TNNI3K: variants seen among roughly 807,000 people sequenced by gnomAD.
TNNI3K encodes the protein serine/threonine-protein kinase TNNI3K.
A neutral mutation model predicts 114.5 loss-of-function variants in TNNI3K; 140 were observed. The observed-to-expected ratio is 1.22, with a 90% confidence interval of 1.07 to 1.41. TNNI3K has a LOEUF of 1.41. TNNI3K is among the 40% of genes most tolerant of loss of function. The probability of loss-of-function intolerance (pLI) is 0.00; values close to 1 mark genes in which losing one functional copy is unlikely to be tolerated. For synonymous variants in TNNI3K, 347 were observed against 347.5 expected, an observed-to-expected ratio of 1.00 and a Z score of 0.02; for missense variants, 1,125 against 1,007.6, an observed-to-expected ratio of 1.12 and a Z score of -1.58.
intron 17 of TNNI3K, among the ~76,000 whole-genome samples, chr1:74,391,193 T>C (rs1377992465): frequency 6.6e-6 from 1 of 152,188 alleles, no homozygotes; most frequent in Admixed American, 6.5e-5. Context: ...ACACTAGAGA[T>C]ACTGCAGTTG....
At chr1:74,455,881 G>A (rs1667204915) in intron 20 of TNNI3K, among the ~76,000 whole-genome samples, 2 of 152,172 alleles carry the variant, frequency 1.3e-5, no homozygotes, top group South Asian at 4.1e-4. Context: ...TCTTCAAGAA[G>A]CACCCTCACA....
intron 5 of TNNI3K, among the ~76,000 whole-genome samples, chr1:74,298,113 G>A (rs1031199662): frequency 6.6e-6 from 1 of 152,092 alleles, no homozygotes; most frequent in African/African-American, 2.4e-5. Context: ...AGGATCCACA[G>A]TTTACTTCCT....
At position 74,331,485 on chromosome 1, in the gene TNNI3K, C is replaced by T; in HGVS notation, c.480C>T (p.Val160=). The stretch of plus-strand genomic sequence containing the variant: ...TGCTGTTGCAACATGGAGCTAATGT[C>T]AATATTCAAGATGCAGTTTTTTTCA... ...ADVLLQHGAN[V]NIQDAVFFTP... is the part of the protein sequence containing the mutation. Residue 160 remains valine (V), a synonymous_variant, in exon 6 of 25, where the codon GTC becomes GTT. Coordinates refer to ENST00000326637, the MANE Select transcript of TNNI3K (RefSeq NM_015978.3). 6.2e-7 allele frequency: 1 copy of T among 1,613,724 alleles called. No homozygotes were observed. The highest frequency in any genetic ancestry group is 8.5e-7 in the Non-Finnish European group (1 of 1,179,870).
chr1:74,515,923 T>C (rs1416265351), intron 23 of TNNI3K, among the ~76,000 whole-genome samples: 1 of 152,208 alleles, frequency 6.6e-6, no homozygotes, highest in Non-Finnish European at 1.5e-5. Context: ...ACCTCCTGGC[T>C]GCCTTCAAGG....
intron 23 of TNNI3K, among the ~76,000 whole-genome samples, chr1:74,502,248 G>T (rs1279264101): frequency 4.6e-5 from 7 of 152,216 alleles, no homozygotes; most frequent in African/African-American, 1.7e-4. Flanking sequence ...CTCTCCTTTT[G>T]CTGCTGTTTC....
chr1:74,425,321 T>G (rs918720787), intron 17 of TNNI3K, among the ~76,000 whole-genome samples: 2 of 152,024 alleles, frequency 1.3e-5, no homozygotes, highest in Non-Finnish European at 2.9e-5. Flanking sequence ...ATTTATTGAG[T>G]AAATGTTGAA....
intron 19 of TNNI3K, among the ~76,000 whole-genome samples, chr1:74,438,070 C>T (rs1205328206): frequency 6.6e-6 from 1 of 150,700 alleles, no homozygotes; most frequent in Admixed American, 6.6e-5. Flanking sequence ...TAAATTAGTG[C>T]TGTGCTTAAA....
chr1:74,389,227 G>A (rs1663639259), intron 17 of TNNI3K, among the ~76,000 whole-genome samples: 1 of 152,156 alleles, frequency 6.6e-6, no homozygotes, highest in Admixed American at 6.5e-5. Flanking sequence ...GGAATCTAAA[G>A]ATTACAGATT....
intron 21 of TNNI3K, among the ~76,000 whole-genome samples, chr1:74,466,610 T>A (rs1667692865): frequency 6.6e-6 from 1 of 152,170 alleles, no homozygotes; most frequent in African/African-American, 2.4e-5. Context: ...GAAAGCAAAG[T>A]CTTCAGCTGG....
At chr1:74,503,829 T>A (rs1183499238) in intron 23 of TNNI3K, among the ~76,000 whole-genome samples, 1 of 152,172 alleles carries the variant, frequency 6.6e-6, no homozygotes, top group Non-Finnish European at 1.5e-5. Context: ...AATCTCCTAA[T>A]GTTGTGGTGG....
At chr1:74,458,003 A>G (rs774973755) in intron 20 of TNNI3K, among the ~76,000 whole-genome samples, 1 of 152,164 alleles carries the variant, frequency 6.6e-6, no homozygotes, top group Non-Finnish European at 1.5e-5. Flanking sequence ...GAAAACATAC[A>G]ATTATGTTTT....
At chr1:74,247,603 G>T (rs184656693) in intron 2 of TNNI3K, among the ~76,000 whole-genome samples, 1 of 152,226 alleles carries the variant, frequency 6.6e-6, no homozygotes, top group East Asian at 1.9e-4. Flanking sequence ...GTACTGATTG[G>T]TGCATTTACA....
At chr1:74,353,194 T>G in intron 9 of TNNI3K, 72 bp from the exon 10 acceptor site, 1 of 1,506,462 alleles carries the variant, frequency 6.6e-7, no homozygotes, top group South Asian at 1.2e-5. Flanking sequence ...TTTCGAGGTG[T>G]AGGGGAGAGG....
At chr1:74,533,552 CT>C (rs1480885669) in intron 23 of TNNI3K, among the ~76,000 whole-genome samples, 32 of 152,180 alleles carry the variant, frequency 2.1e-4, no homozygotes, top group African/African-American at 6.8e-4. Flanking sequence ...CCCAGCCATC[CT>C]ATTACTGGGT....
At chr1:74,516,823 C>G (rs17095497) in intron 23 of TNNI3K, among the ~76,000 whole-genome samples, 1 of 152,140 alleles carries the variant, frequency 6.6e-6, no homozygotes, top group African/African-American at 2.4e-5. Flanking sequence ...CAGCTTACTT[C>G]TGGGATTTTT....
Position 74,236,163 on chromosome 1 carries a change from C to T in TNNI3K, c.102C>T (p.Asp34=). 1 of 1,608,030 alleles carries T rather than the reference C, an allele frequency of 6.2e-7. No individual in the cohort carries two copies. Among genetic ancestry groups the T allele is most frequent in the African/African-American group, 1.3e-5 (1 of 74,622 alleles). ...YVITIERLED[D]LQIKEKELTE... Reference sequence around the variant, plus strand: ...TCACAATAGAAAGATTAGAAGATGACCTGCAGATCAAGGAAAAAGAACTGA... The same window carrying T: ...TCACAATAGAAAGATTAGAAGATGATCTGCAGATCAAGGAAAAAGAACTGA... The change falls in exon 2 of 25, where the codon GAC becomes GAT. Residue 34 remains aspartate, a synonymous_variant. Transcript: ENST00000326637.
intron 5 of TNNI3K, among the ~76,000 whole-genome samples, chr1:74,330,115 G>A (rs1660118468): frequency 6.6e-6 from 1 of 152,082 alleles, no homozygotes; most frequent in African/African-American, 2.4e-5. Flanking sequence ...AGGTATTTAG[G>A]AGAAGAAATT....
chr1:74,387,952 CT>C (rs146894876), intron 17 of TNNI3K, among the ~76,000 whole-genome samples: 2,498 of 152,184 alleles, frequency 0.016, 66 homozygotes, highest in African/African-American at 0.058. Flanking sequence ...ACTCTCATAT[CT>C]TTGTTACAAG....
At chr1:74,354,211 G>A in intron 11 of TNNI3K, 82 bp downstream of exon 11, 1 of 1,570,558 alleles carries the variant, frequency 6.4e-7, no homozygotes, top group Non-Finnish European at 8.6e-7. Context: ...TAATTACTTT[G>A]CTTGCATGAC....
Sources: allele counts gnomAD v4.1 joint callset (sites outside exome capture counted in the v4.1 genomes callset), GRCh38; gene constraint gnomAD v4.1.1; transcripts MANE v1.5; gene names NCBI Gene and HGNC (gene_info 2026-07-23, HGNC 2026-07-21).